The following MMRN1 variants were observed in gnomAD, a reference collection of about 807,000 sequenced individuals.
MMRN1 encodes the protein multimerin 1.
A neutral mutation model predicts 100.7 loss-of-function variants in MMRN1; 94 were observed. That is an observed-to-expected ratio of 0.93 (90% CI 0.79 to 1.11). The LOEUF (loss-of-function observed/expected upper bound fraction) is 1.11. Among genes scored for constraint, MMRN1 ranks in the 50% least tolerant of loss-of-function variants. The pLI is 0.00. For missense variants in MMRN1, 1,606 were observed against 1,439.1 expected, an observed-to-expected ratio of 1.12 and a Z score of -1.88; for synonymous variants, 575 against 505.0, an observed-to-expected ratio of 1.14 and a Z score of -1.86.
chr4:89,906,083 G>A lies in MMRN1; in HGVS notation c.624-3193G>A, dbSNP rs528296532. Among the ~76,000 whole-genome samples, 61 of 151,548 alleles carry A rather than the reference G, an allele frequency of 4.0e-4. No individual in the cohort carries two copies. In the South Asian group the frequency reaches 5.0e-3, roughly 12 times the overall value. On this transcript the variant is annotated intron_variant, in intron 1 of 7. Transcript: ENST00000264790. ...TTCAGTCCTCTCTCACTCAGTTCAGGATAAGAATTGGTATGACTGGGCCAT... is the reference window on the plus strand; with the variant it reads ...TTCAGTCCTCTCTCACTCAGTTCAGAATAAGAATTGGTATGACTGGGCCAT...
chr4:89,884,569 A>C (rs555024004), intron 1 of MMRN1, among the ~76,000 whole-genome samples: 2 of 152,160 alleles, frequency 1.3e-5, no homozygotes, highest in African/African-American at 4.8e-5. Context: ...ACTAATAGTG[A>C]ATTATTTTTC....
At chr4:89,940,698 T>A (rs1560597365) in intron 6 of MMRN1, among the ~76,000 whole-genome samples, 1 of 152,190 alleles carries the variant, frequency 6.6e-6, no homozygotes, top group African/African-American at 2.4e-5. Flanking sequence ...ACAAACCTTA[T>A]AAGTTTATTT....
chr4:89,931,540 T>C (rs1360000880), intron 5 of MMRN1, among the ~76,000 whole-genome samples: 1 of 152,196 alleles, frequency 6.6e-6, no homozygotes, highest in Non-Finnish European at 1.5e-5. Context: ...TCCATTTTCA[T>C]ATTGCTATTA....
intron 4 of MMRN1, among the ~76,000 whole-genome samples, chr4:89,924,929 T>C (rs996372364): frequency 3.3e-5 from 5 of 152,152 alleles, no homozygotes; most frequent in Non-Finnish European, 5.9e-5. Flanking sequence ...ATGTACTGTT[T>C]TGATACAGGT....
intron 6 of MMRN1, among the ~76,000 whole-genome samples, chr4:89,947,843 A>C (rs1723035360): frequency 6.6e-6 from 1 of 151,952 alleles, no homozygotes; most frequent in Admixed American, 6.6e-5. Context: ...TGGTGTACAA[A>C]AGTTGATTTT....
intron 6 of MMRN1, among the ~76,000 whole-genome samples, chr4:89,945,279 G>A (rs1722953064): frequency 6.6e-6 from 1 of 151,922 alleles, no homozygotes; most frequent in Admixed American, 6.6e-5. Context: ...TCCAGTCTGG[G>A]GTTACTGTGG....
intron 6 of MMRN1, among the ~76,000 whole-genome samples, chr4:89,941,899 A>G (rs1722841424): frequency 6.6e-6 from 1 of 152,172 alleles, no homozygotes; most frequent in Non-Finnish European, 1.5e-5. Context: ...CTTTTTGTTC[A>G]TGGCTCTCTG....
chr4:89,901,882 T>A (rs1344184151), intron 1 of MMRN1: 1 of 152,040 alleles, frequency 6.6e-6, no homozygotes, highest in African/African-American at 2.4e-5. Context: ...CTTCTGCTTT[T>A]CTGAATATAA....
intron 1 of MMRN1, among the ~76,000 whole-genome samples, chr4:89,899,906 T>C (rs1253424522): frequency 6.6e-6 from 1 of 152,016 alleles, no homozygotes; most frequent in Non-Finnish European, 1.5e-5. Flanking sequence ...CCATAATCCA[T>C]GATCCACAAA....
rs1020000839 is a variant in MMRN1, at chr4:89,918,038, T to G, written c.851-5130T>G. 5.9e-5 allele frequency among the ~76,000 whole-genome samples: 9 copies of G among 151,856 alleles called. No individual in the cohort carries two copies. In the East Asian group the frequency reaches 7.7e-4, roughly 13 times the overall value. On this transcript the variant is annotated intron_variant, in intron 3 of 7. Coordinates refer to ENST00000264790, the MANE Select transcript of MMRN1 (RefSeq NM_007351.3). ...TAAATCAATGAATATTTATTGCATT[T>G]TTTTAGTTTTGTCATATAAATTTTA...
chr4:89,935,958 G>T lies in MMRN1; in HGVS notation c.2278G>T (p.Glu760Ter). 1 of 1,611,310 alleles carries T rather than the reference G, an allele frequency of 6.2e-7. No homozygotes were observed. The highest frequency in any genetic ancestry group is 1.1e-5 in the South Asian group (1 of 90,846). The change falls in exon 6 of 8, where the codon GAG (glutamate) becomes TAG (stop). Residue 760 changes from glutamate (E) to a stop codon, truncating the protein, a stop_gained. Coordinates refer to ENST00000264790, the MANE Select transcript of MMRN1 (RefSeq NM_007351.3). LOFTEE classifies it high-confidence loss of function. Reference sequence around the variant, plus strand: ...TTTAAGTACTATTAAGGATAATAGTGAGATCCATCATAAATGTACCTCCGA... The same window carrying T: ...TTTAAGTACTATTAAGGATAATAGTTAGATCCATCATAAATGTACCTCCGA... The part of the protein sequence containing the change: ...ETLSTIKDNS[E>*]IHHKCTSDME...
At chr4:89,899,754 C>A (rs1170186139) in intron 1 of MMRN1, among the ~76,000 whole-genome samples, 1 of 152,020 alleles carries the variant, frequency 6.6e-6, no homozygotes, top group Admixed American at 6.6e-5. Flanking sequence ...ATTTTTCTCT[C>A]CCTTCTGGTT....
intron 6 of MMRN1, among the ~76,000 whole-genome samples, chr4:89,940,378 A>G (rs1264296760): frequency 1.3e-5 from 2 of 152,144 alleles, no homozygotes; most frequent in East Asian, 3.9e-4. Flanking sequence ...TGTACTCCCA[A>G]GAAAGATTAC....
In MMRN1 at chr4:89,895,156, C is replaced by A; in HGVS notation, c.185C>A (p.Ser62Ter). The change falls in exon 1 of 8, where the codon TCG (serine) becomes TAG (stop). Residue 62 changes from serine to a stop codon, truncating the protein, a stop_gained. Coordinates refer to ENST00000264790, the MANE Select transcript of MMRN1 (RefSeq NM_007351.3). LOFTEE classifies it high-confidence loss of function. ...ATACTGCCAACCACTCGGGTCATGTCGGCGGAGATAGCTACAACTCCAGAG... is the reference window on the plus strand; with the variant it reads ...ATACTGCCAACCACTCGGGTCATGTAGGCGGAGATAGCTACAACTCCAGAG... ...LQILPTTRVMSAEIATTPEAR... is the reference protein window; with the variant it reads ...LQILPTTRVM 6.2e-7 allele frequency: 1 copy of A among 1,613,806 alleles called. No homozygotes were observed. Among genetic ancestry groups the A allele is most frequent in the Non-Finnish European group, 8.5e-7 (1 of 1,179,890 alleles).
At chr4:89,919,004 T>C (rs1201528548) in intron 3 of MMRN1, among the ~76,000 whole-genome samples, 2 of 151,788 alleles carry the variant, frequency 1.3e-5, no homozygotes, top group African/African-American at 4.8e-5. Context: ...TCATTAATAA[T>C]ACTTTTAAAT....
chr4:89,906,674 T>C (rs749850556), intron 1 of MMRN1, among the ~76,000 whole-genome samples: 1 of 151,586 alleles, frequency 6.6e-6, no homozygotes, highest in Non-Finnish European at 1.5e-5. Flanking sequence ...CATTTTCAGA[T>C]AATTTGGCTT....
intron 1 of MMRN1, among the ~76,000 whole-genome samples, chr4:89,899,868 T>C (rs1374157827): frequency 2.0e-5 from 3 of 151,968 alleles, no homozygotes; most frequent in South Asian, 2.1e-4. Flanking sequence ...AGTGTTCTAA[T>C]TGGTCCACTT....
Position 89,951,671 on chromosome 4 carries a change from G to T in MMRN1, c.3185G>T (p.Ser1062Ile), listed in dbSNP as rs776315168. The T allele has an allele frequency of 6.3e-7, 1 of 1,592,338 alleles. No individual in the cohort carries two copies. Among genetic ancestry groups the T allele is most frequent in the Non-Finnish European group, 8.5e-7 (1 of 1,172,746 alleles). ...NGGTCINGRT[S>I]FTCACRHPFT... is the part of the protein sequence containing the mutation. ...GGCACGTGCATAAATGGAAGAACTA[G>T]CTTTACCTGTGCCTGCAGACATCCT... Residue 1062 changes from serine (S) to isoleucine (I), a missense_variant, in exon 7 of 8, where the codon AGC becomes ATC. Ser to Ile is a moderately radical substitution (Grantham distance 142, BLOSUM62 -2). Coordinates refer to ENST00000264790, the MANE Select transcript of MMRN1 (RefSeq NM_007351.3).
intron 3 of MMRN1, among the ~76,000 whole-genome samples, chr4:89,913,078 T>C (rs546829472): frequency 7.3e-5 from 11 of 151,378 alleles, no homozygotes; most frequent in Non-Finnish European, 1.6e-4. Context: ...CTGAAAATAT[T>C]TGGAAATAAG....
Sources: allele counts gnomAD v4.1 joint callset (sites outside exome capture counted in the v4.1 genomes callset), GRCh38; gene constraint gnomAD v4.1.1; transcripts MANE v1.5; gene names NCBI Gene and HGNC (gene_info 2026-07-23, HGNC 2026-07-21).